MYO16: variants seen among roughly 807,000 people sequenced by gnomAD.
MYO16 encodes myosin XVI.
Under a neutral mutation model 205.3 loss-of-function variants are expected in MYO16, and 94 were observed. The observed-to-expected ratio is 0.46, with a 90% CI of 0.39 to 0.54. The LOEUF is 0.54. MYO16 is among the 20% of genes least tolerant of loss of function. MYO16 has a pLI of 0.00. For missense variants in MYO16, 2,315 were observed against 2,387.5 expected, an observed-to-expected ratio of 0.97 and a Z score of 0.63; for synonymous variants, 988 against 954.0, an observed-to-expected ratio of 1.04 and a Z score of -0.66.
intron 12 of MYO16, among the ~76,000 whole-genome samples, chr13:108,875,452 A>G (rs1340803015): frequency 6.6e-6 from 1 of 152,210 alleles, no homozygotes; most frequent in Non-Finnish European, 1.5e-5. Context: ...TATATTATGT[A>G]TAAAGCATAG....
chr13:109,050,644 A>C (rs1379715957), intron 24 of MYO16, among the ~76,000 whole-genome samples: 2 of 151,996 alleles, frequency 1.3e-5, no homozygotes, highest in East Asian at 3.9e-4. Flanking sequence ...CAAAATTTTG[A>C]TTTTCTTACC....
intron 2 of MYO16, among the ~76,000 whole-genome samples, chr13:108,708,284 A>T (rs1883591250): frequency 6.6e-6 from 1 of 152,224 alleles, no homozygotes; most frequent in Non-Finnish European, 1.5e-5. Context: ...CATGTTAATG[A>T]GATAAGATAC....
chr13:108,809,659 G>T (rs1190615353), intron 7 of MYO16, among the ~76,000 whole-genome samples: 1 of 152,144 alleles, frequency 6.6e-6, no homozygotes, highest in Non-Finnish European at 1.5e-5. Flanking sequence ...TGAGACATCT[G>T]CCCCATGACC....
intron 24 of MYO16, among the ~76,000 whole-genome samples, chr13:109,049,974 GTGTT>G (rs1768260928): frequency 7.3e-6 from 1 of 136,874 alleles, no homozygotes; most frequent in Non-Finnish European, 1.6e-5. Flanking sequence ...GTGTGTGTGT[GTGTT>G]TACTTTCTGA....
intron 16 of MYO16, among the ~76,000 whole-genome samples, chr13:108,957,400 A>AC (rs1333692584): frequency 6.6e-6 from 1 of 151,466 alleles, no homozygotes; most frequent in East Asian, 1.9e-4. Flanking sequence ...AAAAAAAAAA[A>AC]ACAAAAACAT....
chr13:108,827,128 AG>A (rs1303685128), intron 9 of MYO16, among the ~76,000 whole-genome samples: 1 of 152,176 alleles, frequency 6.6e-6, no homozygotes, highest in Non-Finnish European at 1.5e-5. Context: ...ACAATAAAAA[AG>A]GGGGAACAAC....
chr13:108,989,442 A>G (rs186660177), intron 20 of MYO16, among the ~76,000 whole-genome samples: 1 of 152,100 alleles, frequency 6.6e-6, no homozygotes, highest in South Asian at 2.1e-4. Context: ...TTCAAGGCTC[A>G]CTCTATTTCT....
At chr13:109,117,905 T>G (rs1198448869) in intron 28 of MYO16, among the ~76,000 whole-genome samples, 1 of 152,200 alleles carries the variant, frequency 6.6e-6, no homozygotes, top group Non-Finnish European at 1.5e-5. Flanking sequence ...ATATCCAAAT[T>G]GCTCCCAGGA....
At chr13:108,509,429 T>C in the MYO16 span, among the ~76,000 whole-genome samples, 1,236 of 152,354 alleles carry the variant, frequency 8.1e-3, 11 homozygotes, top group African/African-American at 0.028. Flanking sequence ...ACTTTACACT[T>C]TGCTGTACAT....
the MYO16 span, among the ~76,000 whole-genome samples, chr13:108,504,158 A>G: frequency 1.3e-5 from 2 of 152,122 alleles, no homozygotes; most frequent in East Asian, 1.9e-4. Context: ...GCCTTGCTCT[A>G]TCACCCAGAC....
Position 109,057,979 on chromosome 13 carries a change from T to G in MYO16, c.3335+2384T>G, listed in dbSNP as rs149996803. Among the ~76,000 whole-genome samples the G allele has an allele frequency of 5.3e-4, 81 of 152,212 alleles. 1 individual carries two copies. Among genetic ancestry groups the G allele is most frequent in the African/African-American group, 1.9e-3 (80 of 41,544 alleles). On this transcript the variant is annotated intron_variant, in intron 27 of 34. Coordinates refer to ENST00000457511, the MANE Select transcript of MYO16 (RefSeq NM_001198950.3). Reference sequence around the variant, plus strand: ...ACTGTAGTAACTCCCTCTTTAGTGTTACCCAAAACAGCAGTTCTCTGACAT... The same window carrying G: ...ACTGTAGTAACTCCCTCTTTAGTGTGACCCAAAACAGCAGTTCTCTGACAT...
At chr13:108,593,365 G>T (rs985732987), upstream of MYO16, among the ~76,000 whole-genome samples, 1 of 152,118 alleles carries the variant, frequency 6.6e-6, no homozygotes. Flanking sequence ...CAGAACAGAG[G>T]TTTCTGGCAA....
chr13:108,558,315 G>A, the MYO16 span, among the ~76,000 whole-genome samples: 1 of 152,138 alleles, frequency 6.6e-6, no homozygotes, highest in African/African-American at 2.4e-5. Context: ...CTTGGGAAAT[G>A]TCTCCTTGTC....
intron 2 of MYO16, among the ~76,000 whole-genome samples, chr13:108,690,539 A>G (rs1882856579): frequency 1.3e-5 from 2 of 151,890 alleles, no homozygotes; most frequent in Non-Finnish European, 2.9e-5. Flanking sequence ...TTAAATATAG[A>G]TGTCTAACTG....
At chr13:109,063,518 C>T (rs1458951724) in intron 27 of MYO16, among the ~76,000 whole-genome samples, 1 of 152,124 alleles carries the variant, frequency 6.6e-6, no homozygotes, top group African/African-American at 2.4e-5. Flanking sequence ...GGTGGAACCT[C>T]TAAGAAGGTA....
At chr13:108,873,271 A>G (rs1594360363) in intron 12 of MYO16, among the ~76,000 whole-genome samples, 1 of 152,390 alleles carries the variant, frequency 6.6e-6, no homozygotes, top group South Asian at 2.1e-4. Context: ...GATTATAAAG[A>G]CGAGGAGAAT....
chr13:109,068,613 G>A (rs1173276040), intron 27 of MYO16, among the ~76,000 whole-genome samples: 1 of 140,320 alleles, frequency 7.1e-6, no homozygotes, highest in Non-Finnish European at 1.5e-5. Context: ...TTTTTGAGGT[G>A]GAGTTTCGCT....
intron 20 of MYO16, among the ~76,000 whole-genome samples, chr13:108,982,642 C>G (rs1432596231): frequency 6.6e-6 from 1 of 152,018 alleles, no homozygotes; most frequent in East Asian, 1.9e-4. Flanking sequence ...ATCTGGATTC[C>G]TATTCTGAGC....
chr13:108,924,109 C>A (rs1881871571), intron 16 of MYO16, among the ~76,000 whole-genome samples: 1 of 152,092 alleles, frequency 6.6e-6, no homozygotes, highest in African/African-American at 2.4e-5. Context: ...TAAAATATGC[C>A]CAGTAATCTC....
Sources: gnomAD v4.1 joint callset for allele counts (sites outside exome capture counted in the v4.1 genomes callset) on GRCh38, gnomAD v4.1.1 for gene constraint, MANE v1.5 for transcripts, NCBI Gene and HGNC (gene_info 2026-07-23, HGNC 2026-07-21) for gene names.